DMBT1: variants seen among roughly 807,000 people sequenced by gnomAD.
DMBT1 encodes the protein scavenger receptor cysteine-rich domain-containing protein DMBT1.
A neutral mutation model predicts 252.9 loss-of-function variants in DMBT1; 198 were observed. That is an observed-to-expected ratio of 0.78 (90% CI 0.70 to 0.88). DMBT1 has a LOEUF of 0.88. Ranked by LOEUF, DMBT1 falls within the 40% of genes least tolerant of loss-of-function variation. The pLI is 0.00. For missense variants in DMBT1, 2,432 were observed against 2,404.7 expected (o/e 1.01, Z -0.24); for synonymous variants, 990 against 942.7 (o/e 1.05, Z -0.92).
intron 1 of DMBT1, among the ~76,000 whole-genome samples, chr10:122,563,284 C>T (rs1432966051): frequency 6.6e-6 from 1 of 152,196 alleles, no homozygotes; most frequent in African/African-American, 2.4e-5. Context: ...AGGTTATGTT[C>T]CAACCCATGC....
intron 10 of DMBT1, among the ~76,000 whole-genome samples, chr10:122,580,503 C>T (rs1187794152): frequency 6.6e-6 from 1 of 152,190 alleles, no homozygotes; most frequent in Non-Finnish European, 1.5e-5. Context: ...CAGACATGGC[C>T]TTGTCATTGC....
In DMBT1 at chr10:122,632,890, A is replaced by T; in HGVS notation, c.6397A>T (p.Thr2133Ser). The part of the protein sequence containing the change: ...APFLNITRPN[T>S]DYSCGGFLSQ... ...TTTTCTCAACATCACCCGTCCAAAC[A>T]GTAAGTTCTGAGCTCCCTGACAAGT... Residue 2133 changes from threonine (T) to serine (S), a missense_variant and splice_region_variant, in exon 51 of 56, where the codon ACA becomes TCA. Physicochemically the swap from Thr to Ser is moderately conservative, Grantham distance 58 (BLOSUM62 1). Around this residue, in one of 3 missense-constraint regions of DMBT1, gnomAD observed 1,162 missense variants for 1,169.0 expected, o/e 0.99. Coordinates refer to ENST00000338354, the MANE Select transcript of DMBT1 (RefSeq NM_001377530.1). 6.2e-7 allele frequency: 1 copy of T among 1,613,832 alleles called. No homozygotes were observed. Among genetic ancestry groups the T allele is most frequent in the African/African-American group, 1.3e-5 (1 of 75,022 alleles).
chr10:122,643,074 G>A (rs764377916), intron 55 of DMBT1, 48 bp from the exon 56 acceptor site: 2 of 1,590,724 alleles, frequency 1.3e-6, no homozygotes, highest in Non-Finnish European at 1.7e-6. Context: ...AGTCATGAAG[G>A]AAGAATCGGG....
At chr10:122,631,758 C>T in intron 49 of DMBT1, 97 bp from the exon 50 acceptor site, 3 of 1,390,394 alleles carry the variant, frequency 2.2e-6, no homozygotes, top group South Asian at 2.4e-5. Context: ...CGAGGGGGGT[C>T]AGGTTATGGG....
chr10:122,617,323 C>A, intron 40 of DMBT1, 63 bp downstream of exon 40: 1 of 1,562,346 alleles, frequency 6.4e-7, no homozygotes, highest in Non-Finnish European at 8.8e-7. Flanking sequence ...GTGTTTGAAA[C>A]TGATAGGATG....
Position 122,636,065 on chromosome 10 carries a change from G to T in DMBT1, c.6623G>T (p.Arg2208Leu). 1.2e-6 allele frequency: 2 copies of T among 1,613,934 alleles called. No individual in the cohort carries two copies. Among genetic ancestry groups the T allele is most frequent in the Non-Finnish European group, 1.7e-6 (2 of 1,179,890 alleles). ...TACCGCAGTTCCCCTCTCATTGCTC[G>T]AGTTTGTGATGGGGCCAGAGGCTCC... ...GPYRSSPLIA[R>L]VCDGARGSFT... The change falls in exon 53 of 56, where the codon CGA becomes CTA. Residue 2208 changes from arginine to leucine, a missense_variant. Coordinates refer to ENST00000338354, the MANE Select transcript of DMBT1 (RefSeq NM_001377530.1).
chr10:122,600,099 T>A lies in DMBT1; in HGVS notation c.3310+6T>A, dbSNP rs777489613. 5.6e-6 allele frequency: 9 copies of A among 1,605,674 alleles called. 1 individual carries two copies. The South Asian group carries it at 7.8e-5, about 14-fold the overall frequency. The stretch of plus-strand genomic sequence containing the variant: ...CCGGCCAACACCTAGTCCAGGTGGG[T>A]CCCCAGTGTCCTTCCTCAAAATGTC... On this transcript the variant is annotated splice_donor_region_variant and intron_variant, in intron 27 of 55. Transcript: ENST00000338354.
intron 16 of DMBT1, among the ~76,000 whole-genome samples, chr10:122,588,740 T>C (rs1379326328): frequency 2.0e-5 from 3 of 148,918 alleles, no homozygotes; most frequent in African/African-American, 7.3e-5. Context: ...TCCCCAAAAC[T>C]TGAGCCTTCA....
At chr10:122,624,404 A>G (rs1488946560) in intron 44 of DMBT1, among the ~76,000 whole-genome samples, 2 of 152,206 alleles carry the variant, frequency 1.3e-5, no homozygotes, top group Non-Finnish European at 2.9e-5. Flanking sequence ...GTCAATGTCT[A>G]TGCTGCTGGA....
chr10:122,617,610 G>A (rs2098006720), intron 40 of DMBT1, among the ~76,000 whole-genome samples: 1 of 151,604 alleles, frequency 6.6e-6, no homozygotes, highest in African/African-American at 2.4e-5. Context: ...TGTCCCTGCA[G>A]CTGTCTGGCC....
intron 42 of DMBT1, 50 bp from the exon 43 acceptor site, chr10:122,620,203 T>A: frequency 6.3e-7 from 1 of 1,594,320 alleles, no homozygotes; most frequent in Non-Finnish European, 8.6e-7. Flanking sequence ...TTTTTGTAGC[T>A]TTCCTCCCTC....
In DMBT1 at chr10:122,640,162, C is replaced by T. The variant is rs377057478; in HGVS notation, c.7065C>T (p.Val2355=). The T allele has an allele frequency of 2.2e-5, 36 of 1,613,950 alleles. No individual in the cohort carries two copies. Among genetic ancestry groups the T allele is most frequent in the South Asian group, 4.4e-5 (4 of 91,078 alleles). Residue 2355 remains valine (V), a synonymous_variant, in exon 55 of 56, where the codon GTC becomes GTT. Coordinates refer to ENST00000338354, the MANE Select transcript of DMBT1 (RefSeq NM_001377530.1). ...GCAGAATGCTTCAGAACACCTGGGTCGACACCATGTACATTGCTAATGACA... is the reference window on the plus strand; with the variant it reads ...GCAGAATGCTTCAGAACACCTGGGTTGACACCATGTACATTGCTAATGACA... ...VSCRMLQNTW[V]DTMYIANDTI... is the part of the protein sequence containing the mutation.
chr10:122,579,598 C>G lies in DMBT1; in HGVS notation c.700C>G (p.Leu234Val). Residue 234 changes from leucine (L) to valine (V), a missense_variant, in exon 10 of 56, where the codon CTG (leucine) becomes GTG (valine). Transcript: ENST00000338354. ...TGTAGGATCTGAATCCAGTTTGGCC[C>G]TGAGGCTGGTGAATGGAGGCGACAG... Reference protein sequence around the residue: ...PTEGSESSLALRLVNGGDRCR... With the variant: ...PTEGSESSLAVRLVNGGDRCR... 6.2e-7 allele frequency: 1 copy of G among 1,613,346 alleles called. No homozygotes were observed. Among genetic ancestry groups the G allele is most frequent in the Non-Finnish European group, 8.5e-7 (1 of 1,179,726 alleles).
At position 122,592,498 on chromosome 10, in the gene DMBT1, C is replaced by T. The variant is rs1188963823; in HGVS notation, c.2403C>T (p.Arg801=). Residue 801 remains arginine, a synonymous_variant, in exon 20 of 56, where the codon CGC becomes CGT. Transcript: ENST00000338354. ...GSGPIVLDDV[R]CSGHESYLWS... ...GACCCATTGTTCTGGATGATGTGCG[C>T]TGCTCAGGACACGAGTCCTACCTGT... 7 of 1,587,998 alleles carry T rather than the reference C, an allele frequency of 4.4e-6. No individual in the cohort carries two copies. The African/African-American group carries it at 6.7e-5, about 15-fold the overall frequency.
At chr10:122,579,397 TG>T (rs1215570436) in intron 9 of DMBT1, among the ~76,000 whole-genome samples, 180 bp from the exon 10 acceptor site, 1 of 152,176 alleles carries the variant, frequency 6.6e-6, no homozygotes. Context: ...TCCATAGACC[TG>T]GGCAGAGTAG....
intron 40 of DMBT1, among the ~76,000 whole-genome samples, 190 bp downstream of exon 40, chr10:122,617,450 G>A (rs908209809): frequency 6.6e-6 from 1 of 151,412 alleles, no homozygotes; most frequent in Non-Finnish European, 1.5e-5. Context: ...GCTGGTGACT[G>A]TCTCTCATGG....
chr10:122,568,866 C>T (rs7069793), intron 2 of DMBT1, among the ~76,000 whole-genome samples: 5,464 of 152,276 alleles, frequency 0.036, 337 homozygotes, highest in African/African-American at 0.12. Flanking sequence ...GGTACAACCA[C>T]GAATGTGGCC....
intron 6 of DMBT1, among the ~76,000 whole-genome samples, chr10:122,575,231 A>C (rs1452298438): frequency 6.6e-6 from 1 of 152,244 alleles, no homozygotes; most frequent in African/African-American, 2.4e-5. Flanking sequence ...GAAATCAATT[A>C]GAGGCCTAAG....
At chr10:122,592,980 G>A (rs1299603033) in intron 20 of DMBT1, among the ~76,000 whole-genome samples, 1 of 148,796 alleles carries the variant, frequency 6.7e-6, no homozygotes, top group South Asian at 2.3e-4. Flanking sequence ...GGAACTCTGA[G>A]CTAAAGATGC....
Sources: allele counts gnomAD v4.1 joint callset (sites outside exome capture counted in the v4.1 genomes callset), GRCh38; gene constraint gnomAD v4.1.1; regional missense constraint gnomAD v4.1.1; transcripts MANE v1.5; gene names NCBI Gene and HGNC (gene_info 2026-07-23, HGNC 2026-07-21).